Variants in SYT1 observed in about 807,000 individuals in gnomAD.
SYT1 encodes the protein synaptotagmin 1.
SYT1 carries 8 observed loss-of-function variants against 44.8 expected under a neutral mutation model. That is an observed-to-expected ratio of 0.18 (90% CI 0.10 to 0.32). SYT1 has a LOEUF of 0.32. Among genes scored for constraint, SYT1 ranks in the 10% least tolerant of loss-of-function variants. SYT1 has a pLI of 1.00. For missense variants in SYT1, 286 were observed against 509.3 expected (o/e 0.56, Z 4.22); for synonymous variants, 154 against 188.8 (o/e 0.82, Z 1.51).
intron 3 of SYT1, among the ~76,000 whole-genome samples, chr12:79,204,702 CT>C (rs1394731144): frequency 6.6e-6 from 1 of 151,926 alleles, no homozygotes; most frequent in Non-Finnish European, 1.5e-5. Context: ...TCAGTTCCAT[CT>C]CTAGGCCTTT....
intron 8 of SYT1, among the ~76,000 whole-genome samples, chr12:79,334,728 A>G (rs1882010779): frequency 6.6e-6 from 1 of 152,060 alleles, no homozygotes; most frequent in Admixed American, 6.6e-5. Context: ...TACTTTCATC[A>G]TTTTTCTTCT....
chr12:79,286,820 CAT>C (rs887467126), intron 5 of SYT1, among the ~76,000 whole-genome samples: 3 of 151,984 alleles, frequency 2.0e-5, no homozygotes, highest in Non-Finnish European at 2.9e-5. Flanking sequence ...ATATTTAATT[CAT>C]ATTTTAAAAT....
intron 8 of SYT1, among the ~76,000 whole-genome samples, chr12:79,340,344 C>A (rs1391837877): frequency 6.6e-6 from 1 of 151,942 alleles, no homozygotes. Context: ...CTTTTATTTC[C>A]TTGAGCAGTG....
chr12:79,348,706 TAACCACAATGG>T (rs1005622050), intron 8 of SYT1, among the ~76,000 whole-genome samples: 1 of 152,086 alleles, frequency 6.6e-6, no homozygotes. Flanking sequence ...CACTAGGGCT[TAACCACAATGG>T]AACTGATGGT....
At chr12:79,045,391 C>A (rs1011601043) in intron 2 of SYT1, among the ~76,000 whole-genome samples, 1 of 152,184 alleles carries the variant, frequency 6.6e-6, no homozygotes, top group Non-Finnish European at 1.5e-5. Flanking sequence ...TTTCCAGGTG[C>A]GTCTGTTACC....
chr12:79,279,882 C>CTG, intron 4 of SYT1, among the ~76,000 whole-genome samples: 1 of 151,950 alleles, frequency 6.6e-6, no homozygotes, highest in Non-Finnish European at 1.5e-5. Context: ...AGAACTCAAT[C>CTG]CCATTTATAA....
intron 3 of SYT1, among the ~76,000 whole-genome samples, chr12:79,160,055 G>A (rs1190732478): frequency 2.0e-5 from 3 of 152,080 alleles, no homozygotes; most frequent in Non-Finnish European, 4.4e-5. Flanking sequence ...AATAAATGGC[G>A]GTTGTGATTG....
chr12:79,235,371 A>G (rs1876128861), intron 4 of SYT1, among the ~76,000 whole-genome samples: 1 of 152,060 alleles, frequency 6.6e-6, no homozygotes, highest in East Asian at 1.9e-4. Context: ...TTGTAGACCT[A>G]AATGTAAAAG....
chr12:79,211,020 A>AT (rs574725331), intron 3 of SYT1, among the ~76,000 whole-genome samples: 4 of 151,268 alleles, frequency 2.6e-5, no homozygotes, highest in African/African-American at 9.7e-5. Flanking sequence ...AGTTTTAAAG[A>AT]TTTTTTTTCT....
intron 3 of SYT1, among the ~76,000 whole-genome samples, chr12:79,198,239 C>T (rs1873577027): frequency 6.6e-6 from 1 of 152,080 alleles, no homozygotes; most frequent in African/African-American, 2.4e-5. Flanking sequence ...ATCCCTTTAG[C>T]TAATGAATAA....
chr12:79,168,895 T>G lies in SYT1; in HGVS notation c.-17-48608T>G, dbSNP rs1392093896. 4.6e-5 allele frequency among the ~76,000 whole-genome samples: 7 copies of G among 152,188 alleles called. No homozygotes were observed. The East Asian group carries it at 1.4e-3, about 30-fold the overall frequency. The stretch of plus-strand genomic sequence containing the variant: ...TCTAAATAGCTTTCCCATATCTTTG[T>G]GGCCATTAATTCCCTCATCTTTAAG... On this transcript the variant is annotated intron_variant, in intron 3 of 10. Coordinates refer to ENST00000261205, the MANE Select transcript of SYT1 (RefSeq NM_005639.3).
intron 4 of SYT1, among the ~76,000 whole-genome samples, chr12:79,277,369 C>A (rs1410905423): frequency 6.6e-6 from 1 of 152,090 alleles, no homozygotes; most frequent in Non-Finnish European, 1.5e-5. Context: ...TGTCTTTAGT[C>A]TTCTAAACAG....
At chr12:79,130,701 TG>T (rs1262939632) in intron 3 of SYT1, among the ~76,000 whole-genome samples, 1 of 152,134 alleles carries the variant, frequency 6.6e-6, no homozygotes, top group African/African-American at 2.4e-5. Flanking sequence ...ATTTGGGACT[TG>T]GGGTGTCAAG....
intron 8 of SYT1, among the ~76,000 whole-genome samples, chr12:79,352,761 C>T (rs1452517368): frequency 6.6e-6 from 1 of 152,074 alleles, no homozygotes; most frequent in Admixed American, 6.6e-5. Flanking sequence ...TTCAAAAATG[C>T]CTGAGTACAG....
chr12:79,273,801 T>G (rs1878562617), intron 4 of SYT1, among the ~76,000 whole-genome samples: 1 of 152,190 alleles, frequency 6.6e-6, no homozygotes, highest in Non-Finnish European at 1.5e-5. Flanking sequence ...AACTCCCAAC[T>G]GTGGTGGGGC....
At chr12:79,179,001 G>T (rs1331369161) in intron 3 of SYT1, among the ~76,000 whole-genome samples, 2 of 18,496 alleles carry the variant, frequency 1.1e-4, no homozygotes, top group Admixed American at 1.6e-3. Context: ...TATAGATATA[G>T]ATATAGATAT....
At chr12:79,395,678 T>C (rs1884839919) in intron 9 of SYT1, among the ~76,000 whole-genome samples, 1 of 150,586 alleles carries the variant, frequency 6.6e-6, no homozygotes, top group East Asian at 1.9e-4. Context: ...TGAGCCAACA[T>C]GCCTGACTAT....
chr12:78,941,054 TCTTTTTTTTTC>T (rs1255447579), intron 1 of SYT1, among the ~76,000 whole-genome samples: 1 of 94,804 alleles, frequency 1.1e-5, no homozygotes, highest in African/African-American at 2.9e-5. Flanking sequence ...ACTTTTTTTT[TCTTTTTTTTTC>T]TTTTTTTTTT....
At chr12:79,191,078 T>G (rs1873089373) in intron 3 of SYT1, among the ~76,000 whole-genome samples, 1 of 132,604 alleles carries the variant, frequency 7.5e-6, no homozygotes, top group South Asian at 2.3e-4. Context: ...TAGTAATTTG[T>G]ACTGAAAAAA....
Sources: gnomAD v4.1 joint callset for allele counts (sites outside exome capture counted in the v4.1 genomes callset) on GRCh38, gnomAD v4.1.1 for gene constraint, MANE v1.5 for transcripts, NCBI Gene and HGNC (gene_info 2026-07-23, HGNC 2026-07-21) for gene names.